The following LRRK2 variants were observed in gnomAD, a reference collection of about 807,000 sequenced individuals.
LRRK2 encodes leucine rich repeat kinase 2.
In LRRK2, 203 loss-of-function variants were observed where a neutral mutation model predicts 302.6. The ratio of observed to expected loss-of-function variants is 0.67; its 90% confidence interval spans 0.60 to 0.75. LRRK2 has a LOEUF of 0.75. Ranked by LOEUF, LRRK2 falls within the 30% of genes least tolerant of loss-of-function variation. The pLI, the probability that LRRK2 is intolerant of heterozygous loss-of-function variation, is 0.00. For missense variants in LRRK2, 2,830 were observed against 2,951.0 expected (o/e 0.96, Z 0.95); for synonymous variants, 1,066 against 1,031.9 (o/e 1.03, Z -0.63).
At chr12:40,253,159 G>A (rs960208883) in intron 11 of LRRK2, 143 bp downstream of exon 11, 16 of 602,170 alleles carry the variant, frequency 2.7e-5, no homozygotes, top group Non-Finnish European at 3.8e-5. Context: ...GAGATGTATT[G>A]ACATATGGAT....
At chr12:40,231,767 ATATT>A (rs1941207512) in intron 2 of LRRK2, among the ~76,000 whole-genome samples, 1 of 147,244 alleles carries the variant, frequency 6.8e-6, no homozygotes, top group South Asian at 2.1e-4. Flanking sequence ...TAAATTATAT[ATATT>A]ATATATTATG....
intron 38 of LRRK2, among the ~76,000 whole-genome samples, chr12:40,326,376 A>C (rs538810743): frequency 1.3e-5 from 2 of 151,710 alleles, no homozygotes; most frequent in Non-Finnish European, 2.9e-5. Flanking sequence ...TGAGTCAGGA[A>C]AATGGCATGA....
chr12:40,337,351 C>T (rs1222124118), intron 40 of LRRK2, among the ~76,000 whole-genome samples: 3 of 152,160 alleles, frequency 2.0e-5, no homozygotes, highest in Non-Finnish European at 2.9e-5. Context: ...CAATCCACTT[C>T]GTTTGAACTC....
chr12:40,296,942 T>G (rs778526535), intron 23 of LRRK2, among the ~76,000 whole-genome samples: 1 of 152,140 alleles, frequency 6.6e-6, no homozygotes, highest in Non-Finnish European at 1.5e-5. Context: ...TCCTTTTTCC[T>G]TCTACCCTCC....
Position 40,225,003 on chromosome 12 carries a change from C to G in LRRK2, c.-129C>G. On this transcript the variant is annotated 5_prime_UTR_variant, in exon 1 of 51. Transcript: ENST00000298910. ...GGCGGGCGTGGGCGCCGATGGGGCC[C>G]GCGGGGAGCGCTGGCTGCGGGCGGT... 7.9e-7 allele frequency: 1 copy of G among 1,264,550 alleles called. No individual in the cohort carries two copies. The highest frequency in any genetic ancestry group is 1.3e-5 in the South Asian group (1 of 76,932). 78.3% of individuals were successfully genotyped at this position (1,264,550 alleles called of 1,614,324 possible). A position where few individuals can be genotyped will look rare whatever the true frequency, so the allele number is the denominator to read the frequency against.
intron 20 of LRRK2, 52 bp from the exon 21 acceptor site, chr12:40,293,493 T>G (rs998177350): frequency 6.1e-6 from 7 of 1,142,826 alleles, no homozygotes; most frequent in Non-Finnish European, 7.8e-6. Flanking sequence ...ATCTTATGAT[T>G]GAGTAAGCTT....
rs768639964 is a variant in LRRK2, at chr12:40,232,431, T to C, written c.347+48T>C. ...ACAAATGGCCTTGAGTATTTATTTG[T>C]ACACATGACAACCTTCCCTTGATAC... is the stretch of plus-strand genomic sequence containing the variant. On this transcript the variant is annotated intron_variant, in intron 3 of 50. Transcript: ENST00000298910. 163 of 1,288,960 alleles carry C rather than the reference T, an allele frequency of 1.3e-4. 2 individuals carry two copies. In the South Asian group the frequency reaches 1.9e-3, roughly 15 times the overall value. 79.8% of individuals were successfully genotyped at this position (1,288,960 alleles called of 1,614,324 possible).
chr12:40,261,508 C>CTAT lies in LRRK2; in HGVS notation c.1543+1904_1543+1905insTAT, dbSNP rs1452150523. Among the ~76,000 whole-genome samples, 10 of 152,164 alleles carry CTAT rather than the reference C, an allele frequency of 6.6e-5. No individual in the cohort carries two copies. In the East Asian group the frequency reaches 1.9e-3, roughly 29 times the overall value. ...AAAAAAATACATTTTATAAGCATAT[C>CTAT]AGTATGTAAGTACATTCTTCTAGTA... is the stretch of plus-strand genomic sequence containing the variant. On this transcript the variant is annotated intron_variant, in intron 13 of 50. Coordinates refer to ENST00000298910, the MANE Select transcript of LRRK2 (RefSeq NM_198578.4).
intron 38 of LRRK2, among the ~76,000 whole-genome samples, chr12:40,325,569 T>A (rs1432286228): frequency 1.3e-5 from 2 of 152,204 alleles, no homozygotes; most frequent in African/African-American, 2.4e-5. Flanking sequence ...CCCTCAGATG[T>A]GACAATCAAA....
intron 19 of LRRK2, chr12:40,286,648 GTAC>G (rs1393806868): frequency 1.3e-5 from 2 of 152,032 alleles, no homozygotes; most frequent in African/African-American, 4.8e-5. Flanking sequence ...ACTGGATATT[GTAC>G]TACATGATAC....
chr12:40,268,428 GACA>G (rs1325454740), intron 14 of LRRK2, among the ~76,000 whole-genome samples: 8 of 152,114 alleles, frequency 5.3e-5, no homozygotes, highest in African/African-American at 1.7e-4. Flanking sequence ...CAACAACAAT[GACA>G]ACAACAAATT....
chr12:40,316,448 ATGGATAATG>A (rs1480345213), intron 33 of LRRK2: 1 of 523,742 alleles, frequency 1.9e-6, no homozygotes, highest in Non-Finnish European at 2.4e-6. Context: ...CACATATGTC[ATGGATAATG>A]TGATTTTACT....
chr12:40,353,311 C>A (rs1454914303), intron 44 of LRRK2, among the ~76,000 whole-genome samples: 2 of 133,332 alleles, frequency 1.5e-5, no homozygotes, highest in Non-Finnish European at 3.3e-5. Context: ...TCAGACAGGG[C>A]GGCCAGGCAG....
chr12:40,347,022 G>C, intron 42 of LRRK2, 99 bp downstream of exon 42: 1 of 912,368 alleles, frequency 1.1e-6, no homozygotes, highest in Non-Finnish European at 1.6e-6. Flanking sequence ...TTAAACAGAT[G>C]ATCATTTTTT....
At position 40,313,952 on chromosome 12, in the gene LRRK2, T is replaced by C. The variant is rs773848140; in HGVS notation, c.4537-20T>C. ...ACAAATAAAATAGATTTTTACGGCT[T>C]GTCATTTGTAATTTCATAGATCCGA... On this transcript the variant is annotated intron_variant, in intron 31 of 50. Coordinates refer to ENST00000298910, the MANE Select transcript of LRRK2 (RefSeq NM_198578.4). 1.9e-6 allele frequency: 3 copies of C among 1,605,012 alleles called. 1 individual carries two copies. The South Asian group carries it at 3.3e-5, about 18-fold the overall frequency.
At chr12:40,349,328 C>G (rs529938813) in intron 43 of LRRK2, among the ~76,000 whole-genome samples, 1 of 152,092 alleles carries the variant, frequency 6.6e-6, no homozygotes, top group African/African-American at 2.4e-5. Flanking sequence ...TCTCCTCTCC[C>G]TATTTATTTT....
rs190921910 is a variant in LRRK2 at position 40,229,610 on chromosome 12, C to T, written c.238-2664C>T. ...GTGGCTAAAATTTTTTCTTTAACCCCTAGACTCTTTCCTGTTGTGCATTAA... is the reference window on the plus strand; with the variant it reads ...GTGGCTAAAATTTTTTCTTTAACCCTTAGACTCTTTCCTGTTGTGCATTAA... On this transcript the variant is annotated intron_variant, in intron 2 of 50. Coordinates refer to ENST00000298910, the MANE Select transcript of LRRK2 (RefSeq NM_198578.4). 1.4e-3 allele frequency among the ~76,000 whole-genome samples: 217 copies of T among 152,234 alleles called. 1 individual carries two copies. Among genetic ancestry groups the T allele is most frequent in the African/African-American group, 5.0e-3 (209 of 41,538 alleles).
At chr12:40,282,208 C>G (rs1386126929) in intron 18 of LRRK2, among the ~76,000 whole-genome samples, 1 of 146,924 alleles carries the variant, frequency 6.8e-6, no homozygotes. Flanking sequence ...TCCTTCCTTC[C>G]TTCCTCTTCC....
In LRRK2 at chr12:40,298,425, C is replaced by T. The variant is rs769860941; in HGVS notation, c.3279C>T (p.Asn1093=). 31 of 1,613,716 alleles carry T rather than the reference C, an allele frequency of 1.9e-5. 1 individual carries two copies. The South Asian group carries it at 2.7e-4, about 14-fold the overall frequency. The change falls in exon 24 of 51, where the codon AAC becomes AAT. Residue 1093 remains asparagine, a synonymous_variant. Coordinates refer to ENST00000298910, the MANE Select transcript of LRRK2 (RefSeq NM_198578.4). ...TGAAACAGTTTAACCTGTCATATAA[C>T]CAGCTGTCTTTTGTACCTGAGAACC... ...PTLKQFNLSY[N]QLSFVPENLT...
Sources: gnomAD v4.1 joint callset for allele counts (sites outside exome capture counted in the v4.1 genomes callset) on GRCh38, gnomAD v4.1.1 for gene constraint, MANE v1.5 for transcripts, NCBI Gene and HGNC (gene_info 2026-07-23, HGNC 2026-07-21) for gene names.